TAAR8: variants seen among roughly 807,000 people sequenced by gnomAD.
TAAR8 encodes trace amine associated receptor 8.
For synonymous variants in TAAR8, 157 were observed against 152.7 expected, an observed-to-expected ratio of 1.03 and a Z score of -0.21; for missense variants, 459 against 405.8, an observed-to-expected ratio of 1.13 and a Z score of -1.13.
exon 1 of TAAR8, chr6:132,553,390 CTAG>C (rs1298637422): frequency 6.2e-7 from 1 of 1,614,056 alleles, no homozygotes; most frequent in Non-Finnish European, 8.5e-7. Flanking sequence ...ATTGAAACTA[CTAG>C]TAGCAAAGTA....
At position 132,553,577 on chromosome 6, in the gene TAAR8, C is replaced by T. The variant is rs751026717; in HGVS notation, c.885C>T (p.Cys295=). ...CCCCTGCCTATATCTATGAAATTTGCTGTTGGAGTGCTTATTATAACTCAG... is the reference window on the plus strand; with the variant it reads ...CCCCTGCCTATATCTATGAAATTTGTTGTTGGAGTGCTTATTATAACTCAG... Residue 295 remains cysteine (C), a synonymous_variant, in exon 1 of 1, where the codon TGC becomes TGT. Coordinates refer to ENST00000275200, the Ensembl canonical transcript of TAAR8. 3.5e-5 allele frequency: 57 copies of T among 1,613,874 alleles called. No individual in the cohort carries two copies. In the East Asian group the frequency reaches 1.1e-3, roughly 32 times the overall value.
At chr6:132,552,949 T>C (rs986883329) in exon 1 of TAAR8, 8 of 1,614,114 alleles carry the variant, frequency 5.0e-6, no homozygotes, top group Non-Finnish European at 6.8e-6. Context: ...ACTGTGATGC[T>C]TTTCAGCATG....
Position 132,553,045 on chromosome 6 carries a change from C to T in TAAR8, c.353C>T (p.Ser118Phe), listed in dbSNP as rs1403822332. 18 of 1,614,084 alleles carry T rather than the reference C, an allele frequency of 1.1e-5. No individual in the cohort carries two copies. Among genetic ancestry groups the T allele is most frequent in the Admixed American group, 1.7e-5 (1 of 59,998 alleles). ...TGTGATGTGGCATTTTGTTACTCTTCTGTCCTCCACTTGTGCTTCATCTGC... is the reference window on the plus strand; with the variant it reads ...TGTGATGTGGCATTTTGTTACTCTTTTGTCCTCCACTTGTGCTTCATCTGC... The change falls in exon 1 of 1, where the codon TCT becomes TTT. Residue 118 changes from serine to phenylalanine, a missense_variant. By Grantham distance (155) the Ser-to-Phe change is radical. Coordinates refer to ENST00000275200, the Ensembl canonical transcript of TAAR8.
exon 1 of TAAR8, chr6:132,553,088 G>A: frequency 6.2e-7 from 1 of 1,614,162 alleles, no homozygotes; most frequent in Non-Finnish European, 8.5e-7. Context: ...GGTACATTGT[G>A]GTTACTGATC....
Position 132,553,269 on chromosome 6 carries a change from G to GT in TAAR8, c.578dup (p.Ser194LysfsTer25), listed in dbSNP as rs759072867. 2.7e-5 allele frequency: 44 copies of GT among 1,614,044 alleles called. No individual in the cohort carries two copies. The African/African-American group carries it at 5.2e-4, about 19-fold the overall frequency. On this transcript the variant is annotated frameshift_variant, in exon 1 of 1. Coordinates refer to ENST00000275200, the Ensembl canonical transcript of TAAR8. LOFTEE classifies it low-confidence loss of function (END_TRUNC). Reference sequence around the variant, plus strand: ...CTGCGTAGGTGGCTGTCAAATTATTGTAAGTCAAGGCTGGGTGTTGATAGA... The same window carrying GT: ...CTGCGTAGGTGGCTGTCAAATTATTGTTAAGTCAAGGCTGGGTGTTGATAGA...
At chr6:132,552,846 G>A (rs774037269) in exon 1 of TAAR8, 17 of 1,614,066 alleles carry the variant, frequency 1.1e-5, no homozygotes, top group African/African-American at 2.7e-5. Context: ...AAATCTCTTA[G>A]TAATGACTTC....
In TAAR8 at chr6:132,553,594, A is replaced by C. The variant is rs377112565; in HGVS notation, c.902A>C (p.Tyr301Ser). The C allele has an allele frequency of 2.5e-5, 40 of 1,613,946 alleles. No homozygotes were observed. Among genetic ancestry groups the C allele is most frequent in the Non-Finnish European group, 3.2e-5 (38 of 1,179,996 alleles). ...GAAATTTGCTGTTGGAGTGCTTATT[A>C]TAACTCAGCCATGAATCCTTTGATT... Residue 301 changes from tyrosine to serine, a missense_variant, in exon 1 of 1, where the codon TAT becomes TCT. Coordinates refer to ENST00000275200, the Ensembl canonical transcript of TAAR8.
exon 1 of TAAR8, chr6:132,553,167 C>G: frequency 1.2e-6 from 2 of 1,614,040 alleles, no homozygotes; most frequent in South Asian, 2.2e-5. Context: ...CTGGATTCTG[C>G]CTCTCACGTA....
At chr6:132,552,911 G>C (rs565721758) in exon 1 of TAAR8, 4 of 1,614,128 alleles carry the variant, frequency 2.5e-6, no homozygotes, top group East Asian at 4.5e-5. Flanking sequence ...TTGCCTCTCT[G>C]GCCTGTGCTG....
exon 1 of TAAR8, chr6:132,553,386 A>C: frequency 6.2e-7 from 1 of 1,614,150 alleles, no homozygotes; most frequent in Admixed American, 1.7e-5. Flanking sequence ...AAAAATTGAA[A>C]CTACTAGTAG....
At chr6:132,553,205 C>G in exon 1 of TAAR8, 1 of 1,614,124 alleles carries the variant, frequency 6.2e-7, no homozygotes, top group Non-Finnish European at 8.5e-7. Flanking sequence ...ACACAGGTGT[C>G]AATGATGATG....
At position 132,552,701 on chromosome 6, in the gene TAAR8, C is replaced by A. The variant is rs373472487; in HGVS notation, c.9C>A (p.Ser3Arg). Residue 3 changes from serine (S) to arginine (R), a missense_variant, in exon 1 of 1, where the codon AGC (serine) becomes AGA (arginine). Physicochemically the swap from Ser to Arg is moderately radical, Grantham distance 110. Coordinates refer to ENST00000275200, the Ensembl canonical transcript of TAAR8. ...CAACAAACAGCAGAACCATGACCAG[C>A]AATTTTTCCCAACCTGTTGTGCAGC... The A allele has an allele frequency of 4.1e-5, 65 of 1,604,340 alleles. No homozygotes were observed. Among genetic ancestry groups the A allele is most frequent in the Non-Finnish European group, 4.9e-5 (58 of 1,173,268 alleles).
At chr6:132,553,327 T>C (rs1295027482) in exon 1 of TAAR8, 3 of 1,614,146 alleles carry the variant, frequency 1.9e-6, no homozygotes, top group East Asian at 2.2e-5. Context: ...ACCCTTGTTA[T>C]GATAATTCTT....
At chr6:132,553,184 T>A in exon 1 of TAAR8, 1 of 1,614,154 alleles carries the variant, frequency 6.2e-7, no homozygotes, top group Non-Finnish European at 8.5e-7. Flanking sequence ...CGTACAGCGG[T>A]GCTGTGTTCT....
At chr6:132,553,209 G>A (rs1433950837) in exon 1 of TAAR8, 12 of 1,614,188 alleles carry the variant, frequency 7.4e-6, no homozygotes, top group African/African-American at 1.3e-5. Context: ...AGGTGTCAAT[G>A]ATGATGGGCT....
rs112704177 is a variant in TAAR8 at position 132,552,724 on chromosome 6, A to G, written c.32A>G (p.Gln11Arg). The stretch of plus-strand genomic sequence containing the variant: ...AGCAATTTTTCCCAACCTGTTGTGC[A>G]GCTTTGCTATGAGGATGTGAATGGA... The change falls in exon 1 of 1, where the codon CAG becomes CGG. Residue 11 changes from glutamine to arginine, a missense_variant. Gln to Arg is a conservative substitution (Grantham distance 43). Coordinates refer to ENST00000275200, the Ensembl canonical transcript of TAAR8. 726 of 1,613,222 alleles carry G rather than the reference A, an allele frequency of 4.5e-4. 5 individuals carry two copies. In the African/African-American group the frequency reaches 8.4e-3, roughly 19 times the overall value.
exon 1 of TAAR8, chr6:132,553,283 G>C: frequency 6.2e-7 from 1 of 1,614,074 alleles, no homozygotes; most frequent in Non-Finnish European, 8.5e-7. Context: ...GTCAAGGCTG[G>C]GTGTTGATAG....
chr6:132,553,621 A>G (rs1244503185), exon 1 of TAAR8: 3 of 1,613,956 alleles, frequency 1.9e-6, no homozygotes, highest in Non-Finnish European at 2.5e-6. Flanking sequence ...CCTTTGATTT[A>G]TGCTCTATTT....
chr6:132,553,295 T>C, exon 1 of TAAR8: 3 of 1,614,182 alleles, frequency 1.9e-6, no homozygotes, highest in Non-Finnish European at 2.5e-6. Flanking sequence ...TGTTGATAGA[T>C]TTTCTGTTAT....
Sources: gnomAD v4.1 joint callset for allele counts on GRCh38, gnomAD v4.1.1 for gene constraint, MANE v1.5 for transcripts, NCBI Gene and HGNC (gene_info 2026-07-23, HGNC 2026-07-21) for gene names.